Variants in PIAS1 observed in about 807,000 individuals in gnomAD.
PIAS1 encodes the protein protein inhibitor of activated STAT 1.
PIAS1 carries 6 observed loss-of-function variants against 71.3 expected under a neutral mutation model. The ratio of observed to expected loss-of-function variants is 0.08; its 90% CI spans 0.05 to 0.17. PIAS1 has a LOEUF of 0.17. Among genes scored for constraint, PIAS1 ranks in the 10% least tolerant of loss-of-function variants. The pLI, the probability that PIAS1 is intolerant of heterozygous loss-of-function variation, is 1.00. For missense variants in PIAS1, 555 were observed against 793.6 expected, an observed-to-expected ratio of 0.70 and a Z score of 3.61; for synonymous variants, 303 against 292.9, an observed-to-expected ratio of 1.03 and a Z score of -0.35.
chr15:68,120,119 G>A (rs2092601407), intron 2 of PIAS1, among the ~76,000 whole-genome samples: 1 of 152,060 alleles, frequency 6.6e-6, no homozygotes, highest in Admixed American at 6.6e-5. Flanking sequence ...ATCCAGCTTT[G>A]TTTTGGTCAT....
At chr15:68,073,234 G>C (rs1425023346) in intron 1 of PIAS1, among the ~76,000 whole-genome samples, 1 of 152,060 alleles carries the variant, frequency 6.6e-6, no homozygotes, top group Non-Finnish European at 1.5e-5. Context: ...AGCCAGGATG[G>C]TCTCGATCTC....
intron 2 of PIAS1, among the ~76,000 whole-genome samples, chr15:68,123,715 G>GA (rs1408351006): frequency 6.6e-6 from 1 of 152,084 alleles, no homozygotes; most frequent in Non-Finnish European, 1.5e-5. Flanking sequence ...AAATGTAAGT[G>GA]AACTCACAGG....
chr15:68,100,470 G>A (rs1486304919), intron 2 of PIAS1, among the ~76,000 whole-genome samples: 1 of 152,088 alleles, frequency 6.6e-6, no homozygotes, highest in Non-Finnish European at 1.5e-5. Flanking sequence ...TATATCACTA[G>A]TTTGTTCCTT....
chr15:68,090,663 ACT>A (rs1243360326), intron 2 of PIAS1, among the ~76,000 whole-genome samples: 4 of 151,928 alleles, frequency 2.6e-5, no homozygotes, highest in Non-Finnish European at 5.9e-5. Flanking sequence ...GCCATACCAC[ACT>A]CTGTAATTAC....
At chr15:68,060,594 CAG>C (rs899338500) in intron 1 of PIAS1, among the ~76,000 whole-genome samples, 7 of 152,070 alleles carry the variant, frequency 4.6e-5, no homozygotes, top group African/African-American at 1.7e-4. Flanking sequence ...GGCTGGGCGA[CAG>C]AGTGAGACTC....
chr15:68,165,022 T>A (rs1165462072), intron 8 of PIAS1, among the ~76,000 whole-genome samples: 4 of 152,368 alleles, frequency 2.6e-5, no homozygotes, highest in African/African-American at 9.6e-5. Flanking sequence ...AAATATGGCC[T>A]GTGATTAATG....
Position 68,086,705 on chromosome 15 carries a change from C to T in PIAS1, c.424C>T (p.Pro142Ser). ...TCCGGATATAAAACTTCAAAAATTA[C>T]CATTTTATGATTTACTGGATGAACT... ...VHPDIKLQKL[P>S]FYDLLDELIK... is the part of the protein sequence containing the mutation. The change falls in exon 2 of 14, where the codon CCA (proline) becomes TCA (serine). Residue 142 changes from proline (P) to serine (S), a missense_variant. By Grantham distance (74) the Pro-to-Ser change is moderately conservative (BLOSUM62 -1). Transcript: ENST00000249636. The surrounding 1 kb of genome is among the most constrained non-coding windows in gnomAD (Gnocchi z 7.2). The T allele has an allele frequency of 6.2e-7, 1 of 1,613,000 alleles. No homozygotes were observed. Among genetic ancestry groups the T allele is most frequent in the Non-Finnish European group, 8.5e-7 (1 of 1,179,044 alleles).
rs762569797 is a variant in PIAS1, at chr15:68,176,672, T to TA, written c.1481+28dup. On this transcript the variant is annotated intron_variant, in intron 11 of 13. Coordinates refer to ENST00000249636, the MANE Select transcript of PIAS1 (RefSeq NM_016166.3). The stretch of plus-strand genomic sequence containing the variant: ...AATAAAGGGTAAGTGCTGAGACATT[T>TA]AAAAAAAAAAGTAATCATGAAAATT... 2.2e-3 allele frequency: 2,953 copies of TA among 1,357,572 alleles called. No individual in the cohort carries two copies. Among genetic ancestry groups the TA allele is most frequent in the South Asian group, 4.0e-3 (267 of 67,064 alleles). The allele number at this position is 1,357,572 out of a possible 1,614,324, so 84.1% of individuals were successfully genotyped here. A position where few individuals can be genotyped will look rare whatever the true frequency, so the allele number is the denominator to read the frequency against.
intron 7 of PIAS1, among the ~76,000 whole-genome samples, chr15:68,163,963 A>C (rs1258658583): frequency 6.6e-6 from 1 of 152,214 alleles, no homozygotes; most frequent in Non-Finnish European, 1.5e-5. Flanking sequence ...TAAGGTTTCC[A>C]GATGAGAAGT....
intron 1 of PIAS1, among the ~76,000 whole-genome samples, chr15:68,078,568 G>A (rs1264980680): frequency 6.6e-6 from 1 of 152,060 alleles, no homozygotes; most frequent in African/African-American, 2.4e-5. Flanking sequence ...TCCTGTCCGT[G>A]TCTCAGTGTA....
intron 1 of PIAS1, among the ~76,000 whole-genome samples, chr15:68,060,516 G>A (rs899926053): frequency 3.9e-5 from 6 of 152,054 alleles, no homozygotes; most frequent in Admixed American, 2.0e-4. Flanking sequence ...AGGAGGCTGA[G>A]GCAGGAGAAT....
Position 68,054,557 on chromosome 15 carries a change from G to A in PIAS1, c.24+207G>A, listed in dbSNP as rs899990433. The A allele has an allele frequency of 8.4e-5, 42 of 501,336 alleles. No homozygotes were observed. The highest frequency in any genetic ancestry group is 5.2e-4 in the South Asian group (18 of 34,554). 31.1% of individuals were successfully genotyped at this position (501,336 alleles called of 1,614,324 possible). On this transcript the variant is annotated intron_variant, in intron 1 of 13. Transcript: ENST00000249636. The surrounding 1 kb of genome is among the most constrained non-coding windows in gnomAD (Gnocchi z 4.6). Reference sequence around the variant, plus strand: ...CCCGGGTGCCTCGGGGGCGCTGACGGGTCGTCCCCGGCGTGTTATTGTTGT... The same window carrying A: ...CCCGGGTGCCTCGGGGGCGCTGACGAGTCGTCCCCGGCGTGTTATTGTTGT...
At position 68,186,324 on chromosome 15, in the gene PIAS1, A is replaced by G. The variant is rs2093087427; in HGVS notation, c.1663-1218A>G. On this transcript the variant is annotated intron_variant, in intron 13 of 13. Coordinates refer to ENST00000249636, the MANE Select transcript of PIAS1 (RefSeq NM_016166.3). The surrounding 1 kb of genome is among the most constrained non-coding windows in gnomAD (Gnocchi z 4.4). Reference sequence around the variant, plus strand: ...TGTGTTGTGTGTGTCATTTTTAACAAAAAAGTTAAAAAGTAAAAAATATTT... The same window carrying G: ...TGTGTTGTGTGTGTCATTTTTAACAGAAAAGTTAAAAAGTAAAAAATATTT... Among the ~76,000 whole-genome samples, 1 of 152,226 alleles carries G rather than the reference A, an allele frequency of 6.6e-6. No individual in the cohort carries two copies.
At chr15:68,160,055 G>A (rs2092914529) in intron 7 of PIAS1, among the ~76,000 whole-genome samples, 1 of 152,056 alleles carries the variant, frequency 6.6e-6, no homozygotes, top group South Asian at 2.1e-4. Flanking sequence ...GCATTTTTCT[G>A]ATGTCTAAGG....
At chr15:68,164,897 T>G in intron 8 of PIAS1, 93 bp downstream of exon 8, 1 of 680,244 alleles carries the variant, frequency 1.5e-6, no homozygotes, top group East Asian at 2.7e-5. Flanking sequence ...TTCTGTTTGC[T>G]TCTAAAATAT....
In PIAS1 at chr15:68,145,900, C is replaced by A; in HGVS notation, c.687C>A (p.Ser229Arg). ...LCVKVNTKPC[S>R]LPGYLPPTKN... ...TGAAAGTGAATACAAAACCTTGCAG[C>A]CTTCCAGTAAGTCCTAAGAGCTGTT... The change falls in exon 5 of 14, where the codon AGC (serine) becomes AGA (arginine). Residue 229 changes from serine to arginine, a missense_variant. Around this residue, in one of 5 missense-constraint regions of PIAS1, gnomAD observed 134 missense variants for 203.4 expected, o/e 0.66. Transcript: ENST00000249636. The A allele has an allele frequency of 6.3e-7, 1 of 1,596,422 alleles. No homozygotes were observed. Among genetic ancestry groups the A allele is most frequent in the African/African-American group, 1.3e-5 (1 of 74,674 alleles).
Position 68,191,020 on chromosome 15 carries a change from T to C in PIAS1, c.*3185T>C, listed in dbSNP as rs2093117176. On this transcript the variant is annotated 3_prime_UTR_variant, in exon 14 of 14. Transcript: ENST00000249636. ...TTTCAATTTTAAACACATAAAACTT[T>C]CAAGATCTTCAGGACTTTTTAAAGC... is the stretch of plus-strand genomic sequence containing the variant. 1 of 152,408 alleles carries C rather than the reference T, an allele frequency of 6.6e-6. No homozygotes were observed. Among genetic ancestry groups the C allele is most frequent in the Admixed American group, 6.5e-5 (1 of 15,280 alleles). The allele number at this position is 152,408 out of a possible 1,614,324, so 9.4% of individuals were successfully genotyped here. A position where few individuals can be genotyped will look rare whatever the true frequency, so the allele number is the denominator to read the frequency against.
chr15:68,058,496 C>T (rs2091920915), intron 1 of PIAS1, among the ~76,000 whole-genome samples: 1 of 152,110 alleles, frequency 6.6e-6, no homozygotes, highest in African/African-American at 2.4e-5. Flanking sequence ...GAGCCTAGGT[C>T]TTGTGTAGTC....
At chr15:68,083,999 C>T (rs898564405) in intron 1 of PIAS1, among the ~76,000 whole-genome samples, 3 of 152,044 alleles carry the variant, frequency 2.0e-5, no homozygotes, top group Non-Finnish European at 2.9e-5. Flanking sequence ...TAATTGAGGG[C>T]GCTCAAGTTT....
Sources: allele counts gnomAD v4.1 joint callset (sites outside exome capture counted in the v4.1 genomes callset), GRCh38; gene constraint gnomAD v4.1.1; regional missense constraint gnomAD v4.1.1; non-coding constraint Gnocchi (gnomAD v3.1); transcripts MANE v1.5; gene names NCBI Gene and HGNC (gene_info 2026-07-23, HGNC 2026-07-21).